Variants in MYO1A observed in about 807,000 individuals in gnomAD.
The protein encoded by MYO1A is myosin IA.
MYO1A carries 127 observed loss-of-function variants against 138.5 expected under a neutral mutation model. That is an observed-to-expected ratio of 0.92 (90% CI 0.79 to 1.06). The LOEUF (loss-of-function observed/expected upper bound fraction) is 1.06. Among genes scored for constraint, MYO1A ranks in the 50% least tolerant of loss-of-function variants. MYO1A has a pLI of 0.00. For missense variants in MYO1A, 1,211 were observed against 1,288.8 expected, an observed-to-expected ratio of 0.94 and a Z score of 0.92; for synonymous variants, 477 against 497.5, an observed-to-expected ratio of 0.96 and a Z score of 0.55.
At position 57,043,161 on chromosome 12, in the gene MYO1A, G is replaced by A. The variant is rs966677521; in HGVS notation, c.1012-3C>T. On this transcript the variant is annotated splice_polypyrimidine_tract_variant and splice_region_variant and intron_variant, in intron 11 of 27. Coordinates refer to ENST00000300119, the MANE Select transcript of MYO1A (RefSeq NM_005379.4). ...AGGGCGTCCCGAGCATACTGAGCCT[G>A]TGGGTGAGGCACAGCTGATTAGGGT... 2 of 1,614,206 alleles carry A rather than the reference G, an allele frequency of 1.2e-6. No homozygotes were observed. Among genetic ancestry groups the A allele is most frequent in the Middle Eastern group, 1.6e-4 (1 of 6,062 alleles).
In MYO1A at chr12:57,028,842, C is replaced by T. The variant is rs769105633; in HGVS notation, c.3045G>A (p.Lys1015=). ...CACCACCTGCAGGGCCCTGGACGAC[C>T]TTGACAGCCACACTGTTCTCCTTGA... ...VRFKENSVAV[K]VVQGPAGGDN... is the part of the protein sequence containing the mutation. The change falls in exon 28 of 28, where the codon AAG becomes AAA. Residue 1015 remains lysine (K), a synonymous_variant. Transcript: ENST00000300119. 8 of 1,614,050 alleles carry T rather than the reference C, an allele frequency of 5.0e-6. No individual in the cohort carries two copies. The highest frequency in any genetic ancestry group is 1.7e-5 in the Admixed American group (1 of 60,004).
At position 57,036,807 on chromosome 12, in the gene MYO1A, C is replaced by T. The variant is rs757081823; in HGVS notation, c.2239G>A (p.Val747Met). Residue 747 changes from valine (V) to methionine (M), a missense_variant, in exon 21 of 28, where the codon GTG becomes ATG. Transcript: ENST00000300119. ...CTCACAAAAGCCTGGATCAATAACA[C>T]GGATGCCTTTATCTTCCCATAGCAT... Reference protein sequence around the residue: ...KKCYGKIKASVLLIQAFVRGW... With the variant: ...KKCYGKIKASMLLIQAFVRGW... The T allele has an allele frequency of 3.7e-6, 6 of 1,614,130 alleles. No individual in the cohort carries two copies. Among genetic ancestry groups the T allele is most frequent in the African/African-American group, 1.3e-5 (1 of 74,936 alleles).
rs2030624369 is a variant in MYO1A, at chr12:57,037,623, G to A, written c.1980C>T (p.Val660=). 6.2e-7 allele frequency: 1 copy of A among 1,613,952 alleles called. No homozygotes were observed. Among genetic ancestry groups the A allele is most frequent in the African/African-American group, 1.3e-5 (1 of 74,892 alleles). ...CCGAGGACATGCTCAGCTCCCCCAG[G>A]ACCTTCTCAACACCTTCCCTATGGA... is the stretch of plus-strand genomic sequence containing the variant. ...NGGDREGVEK[V]LGELSMSSGE... is the part of the protein sequence containing the mutation. The change falls in exon 19 of 28, where the codon GTC becomes GTT. Residue 660 remains valine, a synonymous_variant. Coordinates refer to ENST00000300119, the MANE Select transcript of MYO1A (RefSeq NM_005379.4).
chr12:57,043,462 G>A (rs2030954246), intron 10 of MYO1A, 104 bp from the exon 11 acceptor site: 2 of 1,126,046 alleles, frequency 1.8e-6, no homozygotes, highest in Non-Finnish European at 1.3e-6. Flanking sequence ...GTGTCCTGGG[G>A]TCTCACTGGA....
chr12:57,042,654 C>G (rs1016040209), intron 12 of MYO1A, among the ~76,000 whole-genome samples: 1 of 151,890 alleles, frequency 6.6e-6, no homozygotes, highest in Non-Finnish European at 1.5e-5. Context: ...GTTGGGGTCT[C>G]ACTATATTGC....
Position 57,028,801 on chromosome 12 carries a change from C to T in MYO1A, c.3086G>A (p.Arg1029His), listed in dbSNP as rs367774627. 14 of 1,613,792 alleles carry T rather than the reference C, an allele frequency of 8.7e-6. No individual in the cohort carries two copies. Among genetic ancestry groups the T allele is most frequent in the Middle Eastern group, 1.6e-4 (1 of 6,082 alleles). ...GCAATGACTCCCCTTTTTTTTGTAG[C>T]GTAGCTTGCTGTTGTCACCACCTGC... The part of the protein sequence containing the change: ...GPAGGDNSKL[R>H]YKKKGSHCLE... The change falls in exon 28 of 28, where the codon CGC (arginine) becomes CAC (histidine). Residue 1029 changes from arginine to histidine, a missense_variant. Physicochemically the swap from Arg to His is conservative, Grantham distance 29 (BLOSUM62 0). Transcript: ENST00000300119.
In MYO1A at chr12:57,029,167, G is replaced by A; in HGVS notation, c.2970C>T (p.Ala990=). Residue 990 remains alanine (A), a synonymous_variant, in exon 27 of 28, where the codon GCC becomes GCT. Transcript: ENST00000300119. The part of the protein sequence containing the change: ...LTKMYRAVLD[A]TQRQLTVTVT... Reference sequence around the variant, plus strand: ...CGGTGACTGTAAGCTGCCTCTGCGTGGCATCCAGCACAGCCCGGTACATTT... The same window carrying A: ...CGGTGACTGTAAGCTGCCTCTGCGTAGCATCCAGCACAGCCCGGTACATTT... 2.5e-6 allele frequency: 4 copies of A among 1,614,108 alleles called. No homozygotes were observed. Among genetic ancestry groups the A allele is most frequent in the Non-Finnish European group, 3.4e-6 (4 of 1,180,006 alleles).
At position 57,036,388 on chromosome 12, in the gene MYO1A, G is replaced by T; in HGVS notation, c.2275-7C>A. On this transcript the variant is annotated splice_polypyrimidine_tract_variant and splice_region_variant and intron_variant, in intron 21 of 27. Transcript: ENST00000300119. ...TGCGATAATTCTTTCGGGCCTGGCAGAAAAGTACAAGAAAGGAGCCAAAGT... is the reference window on the plus strand; with the variant it reads ...TGCGATAATTCTTTCGGGCCTGGCATAAAAGTACAAGAAAGGAGCCAAAGT... The T allele has an allele frequency of 6.2e-7, 1 of 1,613,816 alleles. No individual in the cohort carries two copies. The highest frequency in any genetic ancestry group is 1.1e-5 in the South Asian group (1 of 91,036).
At chr12:57,043,401 T>C (rs777362428) in intron 10 of MYO1A, 43 bp from the exon 11 acceptor site, 1 of 1,573,432 alleles carries the variant, frequency 6.4e-7, no homozygotes, top group Non-Finnish European at 8.7e-7. Flanking sequence ...GAGGCAGCTT[T>C]CTCTCAGGGG....
intron 16 of MYO1A, 70 bp downstream of exon 16, chr12:57,038,739 G>C: frequency 1.9e-6 from 3 of 1,608,864 alleles, no homozygotes; most frequent in Non-Finnish European, 2.6e-6. Flanking sequence ...CACCTTCCCC[G>C]GGTTCCTCCC....
intron 22 of MYO1A, among the ~76,000 whole-genome samples, chr12:57,034,681 G>T (rs1014174120): frequency 6.6e-6 from 1 of 151,036 alleles, no homozygotes; most frequent in African/African-American, 2.4e-5. Flanking sequence ...TCTCAAAAAA[G>T]AAATAGGCTG....
intron 14 of MYO1A, among the ~76,000 whole-genome samples, chr12:57,040,925 G>A (rs1469536532): frequency 6.6e-6 from 1 of 152,210 alleles, no homozygotes; most frequent in East Asian, 1.9e-4. Flanking sequence ...GTCTGCCATA[G>A]GCCAAGCACA....
At chr12:57,044,255 T>C (rs759328232) in intron 8 of MYO1A, 46 bp from the exon 9 acceptor site, 36 of 1,503,598 alleles carry the variant, frequency 2.4e-5, no homozygotes, top group Non-Finnish European at 3.3e-5. Context: ...CCAGGCTCTC[T>C]GGAGCCCTCC....
At chr12:57,032,096 G>C (rs1393059735) in intron 22 of MYO1A, among the ~76,000 whole-genome samples, 1 of 152,210 alleles carries the variant, frequency 6.6e-6, no homozygotes, top group East Asian at 1.9e-4. Flanking sequence ...GCCAACCTGG[G>C]AGATCAGCTC....
rs533236984 is a variant in MYO1A at position 57,038,221 on chromosome 12, T to G, written c.1761-152A>C. On this transcript the variant is annotated intron_variant, in intron 17 of 27. Transcript: ENST00000300119. ...GCCTCCCCAGTTTCACTCACTTCTATGTATTCCCTATCGAATCTGATGCTC... is the reference window on the plus strand; with the variant it reads ...GCCTCCCCAGTTTCACTCACTTCTAGGTATTCCCTATCGAATCTGATGCTC... 3 of 1,111,432 alleles carry G rather than the reference T, an allele frequency of 2.7e-6. No homozygotes were observed. The Admixed American group carries it at 5.9e-5, about 22-fold the overall frequency. The allele number at this position is 1,111,432 out of a possible 1,614,324, so 68.8% of individuals were successfully genotyped here.
rs932385287 is a variant in MYO1A, at chr12:57,041,578, G to A, written c.1099-81C>T. 3.3e-6 allele frequency: 4 copies of A among 1,200,110 alleles called. No homozygotes were observed. The African/African-American group carries it at 4.5e-5, about 13-fold the overall frequency. The allele number at this position is 1,200,110 out of a possible 1,614,324, so 74.3% of individuals were successfully genotyped here. The stretch of plus-strand genomic sequence containing the variant: ...GGTCCTTCTGGAGCGGATGGGGTTG[G>A]AGTAGGGGGCAAACAGAACTAGCAA... On this transcript the variant is annotated intron_variant, in intron 12 of 27. Transcript: ENST00000300119.
chr12:57,050,809 T>C (rs2031308970), upstream of MYO1A: 1 of 152,136 alleles, frequency 6.6e-6, no homozygotes, highest in African/African-American at 2.4e-5. Flanking sequence ...ATACAGATAC[T>C]CCATTAAAAT....
intron 18 of MYO1A, 81 bp from the exon 19 acceptor site, chr12:57,037,722 C>T (rs996249150): frequency 1.3e-5 from 20 of 1,520,090 alleles, no homozygotes; most frequent in African/African-American, 9.6e-5. Context: ...ATCCTTTCAG[C>T]CTCCAAGAAG....
At chr12:57,032,275 C>T (rs1344332217) in intron 22 of MYO1A, among the ~76,000 whole-genome samples, 7 of 152,056 alleles carry the variant, frequency 4.6e-5, no homozygotes, top group Non-Finnish European at 8.8e-5. Context: ...CATTTTTTTT[C>T]ACTAGTCAAC....
Sources: allele counts gnomAD v4.1 joint callset (sites outside exome capture counted in the v4.1 genomes callset), GRCh38; gene constraint gnomAD v4.1.1; transcripts MANE v1.5; gene names NCBI Gene and HGNC (gene_info 2026-07-23, HGNC 2026-07-21).